Variants in SCHIP1 observed in about 807,000 individuals in gnomAD.
The protein encoded by SCHIP1 is schwannomin interacting protein 1, also known as schwannomin-interacting protein 1.
In SCHIP1, 8 loss-of-function variants were observed where a neutral mutation model predicts 29.7. The observed-to-expected ratio is 0.27, with a 90% CI of 0.16 to 0.49. SCHIP1 has a LOEUF of 0.49. Among genes scored for constraint, SCHIP1 ranks in the 20% least tolerant of loss-of-function variants. The pLI is 0.99. For synonymous variants in SCHIP1, 76 were observed against 94.9 expected, an observed-to-expected ratio of 0.80 and a Z score of 1.16; for missense variants, 193 against 294.6, an observed-to-expected ratio of 0.66 and a Z score of 2.52.
the SCHIP1 span, among the ~76,000 whole-genome samples, chr3:159,531,463 G>A: frequency 4.6e-5 from 7 of 152,112 alleles, no homozygotes; most frequent in East Asian, 5.8e-4. Context: ...TTAAGTTAAC[G>A]CTATCTCTTT....
chr3:159,758,667 G>C, the SCHIP1 span, among the ~76,000 whole-genome samples: 11 of 152,210 alleles, frequency 7.2e-5, no homozygotes, highest in Non-Finnish European at 1.0e-4. Context: ...CAGAGATTCT[G>C]TGTACTGTTG....
At chr3:159,321,101 A>G in the SCHIP1 span, among the ~76,000 whole-genome samples, 1 of 152,158 alleles carries the variant, frequency 6.6e-6, no homozygotes, top group East Asian at 1.9e-4. Context: ...AGTAGCTGGG[A>G]TTATAGGCAC....
At chr3:159,474,577 T>A in the SCHIP1 span, among the ~76,000 whole-genome samples, 4 of 152,018 alleles carry the variant, frequency 2.6e-5, no homozygotes, top group Non-Finnish European at 5.9e-5. Flanking sequence ...TTATTAATAA[T>A]AGAATATATG....
chr3:159,491,211 A>C, the SCHIP1 span, among the ~76,000 whole-genome samples: 17 of 152,240 alleles, frequency 1.1e-4, no homozygotes, highest in African/African-American at 4.1e-4. Flanking sequence ...TGCATTTCCA[A>C]CTGAGGTACC....
At chr3:159,506,972 C>T in the SCHIP1 span, among the ~76,000 whole-genome samples, 4 of 152,136 alleles carry the variant, frequency 2.6e-5, no homozygotes, top group African/African-American at 9.7e-5. Context: ...TCCATATGAA[C>T]TTTAAAATAG....
At chr3:159,840,112 A>T in exon 1 of SCHIP1, 1 of 1,529,626 alleles carries the variant, frequency 6.5e-7, no homozygotes, top group Non-Finnish European at 8.7e-7. Context: ...CCGCCGGTGG[A>T]TGCTCCGCGC....
At chr3:159,833,150 T>C in the SCHIP1 span, among the ~76,000 whole-genome samples, 2 of 152,310 alleles carry the variant, frequency 1.3e-5, no homozygotes, top group African/African-American at 4.8e-5. Flanking sequence ...GTCTTCCAAA[T>C]TTAGTGGCTT....
chr3:159,594,189 G>A, the SCHIP1 span, among the ~76,000 whole-genome samples: 12 of 152,336 alleles, frequency 7.9e-5, no homozygotes, highest in East Asian at 5.8e-4. Context: ...TTTACAAGGC[G>A]GAAGAAATGG....
the SCHIP1 span, among the ~76,000 whole-genome samples, chr3:159,496,286 G>A: frequency 1.3e-5 from 2 of 152,286 alleles, no homozygotes; most frequent in East Asian, 3.9e-4. Flanking sequence ...CTTCTGCACA[G>A]CAAAAGAAAC....
At chr3:159,495,419 C>A in the SCHIP1 span, among the ~76,000 whole-genome samples, 2 of 152,184 alleles carry the variant, frequency 1.3e-5, no homozygotes, top group African/African-American at 2.4e-5. Context: ...TCTCAGGATA[C>A]AAAATCAATG....
At chr3:159,408,528 G>C in the SCHIP1 span, among the ~76,000 whole-genome samples, 1 of 151,960 alleles carries the variant, frequency 6.6e-6, no homozygotes, top group African/African-American at 2.4e-5. Flanking sequence ...ATCCTTAGAG[G>C]CTACTATAAT....
the SCHIP1 span, among the ~76,000 whole-genome samples, chr3:159,753,455 A>G: frequency 6.6e-6 from 1 of 152,128 alleles, no homozygotes; most frequent in Non-Finnish European, 1.5e-5. Flanking sequence ...ATGATACAAA[A>G]TTGGAACCCA....
the SCHIP1 span, among the ~76,000 whole-genome samples, chr3:159,712,846 A>AAGAAAGAAAGAAAGAAAGAG: frequency 6.8e-6 from 1 of 147,778 alleles, no homozygotes; most frequent in African/African-American, 2.5e-5. Flanking sequence ...GAAAGAAAGA[A>AAGAAAGAAAGAAAGAAAGAG]AGAGAGAGAG....
chr3:159,498,084 A>G, the SCHIP1 span, among the ~76,000 whole-genome samples: 2 of 152,242 alleles, frequency 1.3e-5, no homozygotes, highest in African/African-American at 4.8e-5. Context: ...TTCAAATTAC[A>G]CAGAGCAATA....
the SCHIP1 span, among the ~76,000 whole-genome samples, chr3:159,355,165 C>T: frequency 6.6e-6 from 1 of 152,054 alleles, no homozygotes; most frequent in South Asian, 2.1e-4. Flanking sequence ...CTGGATAGGA[C>T]AGCTAGATGC....
the SCHIP1 span, among the ~76,000 whole-genome samples, chr3:159,410,806 G>A: frequency 6.6e-6 from 1 of 152,056 alleles, no homozygotes; most frequent in Non-Finnish European, 1.5e-5. Context: ...ATCAGTATAT[G>A]AAGAGACATC....
At chr3:159,561,432 A>T in the SCHIP1 span, among the ~76,000 whole-genome samples, 1 of 152,242 alleles carries the variant, frequency 6.6e-6, no homozygotes, top group Non-Finnish European at 1.5e-5. Flanking sequence ...TGCTATTCCA[A>T]TAATTCATCA....
the SCHIP1 span, among the ~76,000 whole-genome samples, chr3:159,515,585 G>A: frequency 7.2e-5 from 11 of 152,180 alleles, no homozygotes; most frequent in Admixed American, 2.6e-4. Context: ...TGTGATCAAC[G>A]GAGCTGCTTT....
the SCHIP1 span, among the ~76,000 whole-genome samples, chr3:159,531,031 C>G: frequency 6.6e-6 from 1 of 152,150 alleles, no homozygotes; most frequent in African/African-American, 2.4e-5. Context: ...CACAATTGAA[C>G]CTATCTGTTT....
Sources: allele counts gnomAD v4.1 joint callset (sites outside exome capture counted in the v4.1 genomes callset), GRCh38; gene constraint gnomAD v4.1.1; transcripts MANE v1.5; gene names NCBI Gene and HGNC (gene_info 2026-07-23, HGNC 2026-07-21).